ASPM: variants seen among roughly 807,000 people sequenced by gnomAD.
The protein encoded by ASPM is abnormal spindle-like microcephaly-associated protein.
ASPM carries 256 observed loss-of-function variants against 366.4 expected under a neutral mutation model. The ratio of observed to expected loss-of-function variants is 0.70; its 90% CI spans 0.63 to 0.77. ASPM has a LOEUF of 0.77. Among genes scored for constraint, ASPM ranks in the 30% least tolerant of loss-of-function variants. ASPM has a pLI of 0.00. For synonymous variants in ASPM, 1,414 were observed against 1,342.9 expected, an observed-to-expected ratio of 1.05 and a Z score of -1.16; for missense variants, 4,146 against 4,090.4, an observed-to-expected ratio of 1.01 and a Z score of -0.37.
chr1:197,103,384 G>A lies in ASPM; in HGVS notation c.5867C>T (p.Ser1956Phe). ...TCTCAGTGTTTTTCCCTTCCACATA[G>A]ATTGAAGCACCAGTACCGCATGACG... ...ELRHAVLVLQ[S>F]MWKGKTLRRQ... Residue 1956 changes from serine (S) to phenylalanine (F), a missense_variant, in exon 18 of 28, where the codon TCT becomes TTT. Ser to Phe is a radical substitution (Grantham distance 155). This residue lies in a region of ASPM where 3,624 missense variants were observed against 3,591.7 expected (regional missense o/e 1.01). Coordinates refer to ENST00000367409, the MANE Select transcript of ASPM (RefSeq NM_018136.5). 3 of 1,613,194 alleles carry A rather than the reference G, an allele frequency of 1.9e-6. No individual in the cohort carries two copies. Among genetic ancestry groups the A allele is most frequent in the Non-Finnish European group, 2.5e-6 (3 of 1,179,468 alleles).
At chr1:197,126,522 T>C (rs913036748) in intron 10 of ASPM, among the ~76,000 whole-genome samples, 1 of 151,570 alleles carries the variant, frequency 6.6e-6, no homozygotes, top group East Asian at 1.9e-4. Context: ...CCAATCCTTG[T>C]TCCTCCTAGA....
Position 197,104,929 on chromosome 1 carries a change from G to T in ASPM, c.4322C>A (p.Ser1441Ter), listed in dbSNP as rs1657362410. 6.2e-7 allele frequency: 1 copy of T among 1,611,904 alleles called. No homozygotes were observed. Among genetic ancestry groups the T allele is most frequent in the African/African-American group, 1.3e-5 (1 of 74,730 alleles). ...CAATATTACTGTAGCTTTTACTTGT[G>T]ATTGCATTTTACGTTGCTTCCATTT... The part of the protein sequence containing the change: ...FRKWKQRKMQ[S>*]QVKATVILQR... The change falls in exon 18 of 28, where the codon TCA (serine) becomes TAA (stop). Residue 1441 changes from serine to a stop codon, truncating the protein, a stop_gained. Coordinates refer to ENST00000367409, the MANE Select transcript of ASPM (RefSeq NM_018136.5). LOFTEE classifies it high-confidence loss of function.
In ASPM at chr1:197,091,906, C is replaced by A. The variant is rs1656796807; in HGVS notation, c.9444+1G>T. The A allele has an allele frequency of 2.5e-6, 4 of 1,609,480 alleles. No homozygotes were observed. The highest frequency in any genetic ancestry group is 1.3e-5 in the African/African-American group (1 of 74,710). On this transcript the variant is annotated splice_donor_variant, in intron 22 of 27. Transcript: ENST00000367409. LOFTEE classifies it high-confidence loss of function. ...AGTTTTACTGCAAAGAAGAAGCAAA[C>A]CTGAATACAGATGACTGAATTAACC... is the stretch of plus-strand genomic sequence containing the variant.
intron 17 of ASPM, among the ~76,000 whole-genome samples, chr1:197,113,932 CAATTTCCA>C (rs1657661977): frequency 6.6e-6 from 1 of 152,160 alleles, no homozygotes; most frequent in South Asian, 2.1e-4. Context: ...ATTAAAAAGA[CAATTTCCA>C]AATGTTAATG....
In ASPM at chr1:197,091,653, A is replaced by T. The variant is rs955927; in HGVS notation, c.9444+254T>A. Among the ~76,000 whole-genome samples the T allele has an allele frequency of 0.3, 45,392 of 151,840 alleles. 8,482 individuals are homozygous for T. The highest frequency in any genetic ancestry group is 0.46 in the Middle Eastern group (134 of 294). On this transcript the variant is annotated intron_variant, in intron 22 of 27. Transcript: ENST00000367409. ...TTTATGTTGGCAAGCATGTAGAGAA[A>T]CAGGGTACCCTCAAGACTTTGCTGG...
chr1:197,118,133 A>G, intron 16 of ASPM, 150 bp from the exon 17 acceptor site: 1 of 773,786 alleles, frequency 1.3e-6, no homozygotes, highest in South Asian at 1.6e-5. Context: ...TGGAATACTG[A>G]TAATTCCAGG....
At position 197,146,329 on chromosome 1, in the gene ASPM, G is replaced by C; in HGVS notation, c.109C>G (p.Pro37Ala). Reference sequence around the variant, plus strand: ...CAGAAGTGGCTGAGAGACAGGACCGGCGGGGAAGACGCCTCCTCCTCGGCC... The same window carrying C: ...CAGAAGTGGCTGAGAGACAGGACCGCCGGGGAAGACGCCTCCTCCTCGGCC... ...PAAEEEASSP[P>A]VLSLSHFCRS... The change falls in exon 1 of 28, where the codon CCG (proline) becomes GCG (alanine). Residue 37 changes from proline (P) to alanine (A), a missense_variant. By Grantham distance (27) the Pro-to-Ala change is conservative. This residue lies in a region of ASPM where 512 missense variants were observed against 471.7 expected (regional missense o/e 1.09). Transcript: ENST00000367409. The C allele has an allele frequency of 6.2e-7, 1 of 1,613,326 alleles. No homozygotes were observed. The highest frequency in any genetic ancestry group is 1.1e-5 in the South Asian group (1 of 91,074).
intron 4 of ASPM, among the ~76,000 whole-genome samples, chr1:197,137,981 T>C (rs544986616): frequency 6.6e-6 from 1 of 152,324 alleles, no homozygotes; most frequent in East Asian, 1.9e-4. Context: ...TAATAAAAAC[T>C]ATCAAGAAAT....
chr1:197,108,268 A>G (rs1657472040), intron 17 of ASPM, among the ~76,000 whole-genome samples: 1 of 152,092 alleles, frequency 6.6e-6, no homozygotes, highest in Non-Finnish European at 1.5e-5. Flanking sequence ...ACCTGTATTT[A>G]GAAGAAAATT....
At chr1:197,119,714 C>T (rs1473518840) in intron 16 of ASPM, among the ~76,000 whole-genome samples, 1 of 152,032 alleles carries the variant, frequency 6.6e-6, no homozygotes, top group Non-Finnish European at 1.5e-5. Flanking sequence ...GGGCCAAATT[C>T]TAGGACTTCT....
At chr1:197,125,601 C>T (rs907477780) in intron 10 of ASPM, among the ~76,000 whole-genome samples, 10 of 152,054 alleles carry the variant, frequency 6.6e-5, no homozygotes, top group African/African-American at 9.6e-5. Flanking sequence ...CATGGTAAAG[C>T]GCACAATTAA....
intron 17 of ASPM, among the ~76,000 whole-genome samples, chr1:197,111,048 T>C (rs1208884027): frequency 6.6e-6 from 1 of 151,512 alleles, no homozygotes; most frequent in Non-Finnish European, 1.5e-5. Context: ...TATAACAAAG[T>C]CCCCAAAAGC....
chr1:197,135,204 T>C lies in ASPM; in HGVS notation c.2065A>G (p.Met689Val), dbSNP rs1205630093. 6.2e-7 allele frequency: 1 copy of C among 1,614,048 alleles called. No individual in the cohort carries two copies. Among genetic ancestry groups the C allele is most frequent in the South Asian group, 1.1e-5 (1 of 91,086 alleles). Residue 689 changes from methionine (M) to valine (V), a missense_variant, in exon 5 of 28, where the codon ATG becomes GTG. By Grantham distance (21) the Met-to-Val change is conservative. Transcript: ENST00000367409. ...RHPMPFAAKN[M>V]FYDERWKEKQ... is the part of the protein sequence containing the mutation. ...TCCTTCCAGCGTTCATCATAAAACA[T>C]GTTTTTTGCAGCAAATGGCATCGGG...
rs1258257477 is a variant in ASPM at position 197,143,097 on chromosome 1, C to T, written c.1155G>A (p.Glu385=). 5 of 1,612,908 alleles carry T rather than the reference C, an allele frequency of 3.1e-6. No homozygotes were observed. Among genetic ancestry groups the T allele is most frequent in the Non-Finnish European group, 1.7e-6 (2 of 1,179,194 alleles). ...TAGGGGATAAAATAGGATTAACTGACTCTGATTCTAGATCCTGATTTAGTC... is the reference window on the plus strand; with the variant it reads ...TAGGGGATAAAATAGGATTAACTGATTCTGATTCTAGATCCTGATTTAGTC... ...NYGLNQDLES[E]SVNPILSPNQ... Residue 385 remains glutamate, a synonymous_variant, in exon 3 of 28, where the codon GAG becomes GAA. Coordinates refer to ENST00000367409, the MANE Select transcript of ASPM (RefSeq NM_018136.5).
At position 197,133,279 on chromosome 1, in the gene ASPM, G is replaced by A. The variant is rs544122318; in HGVS notation, c.2419+71C>T. 30 of 1,503,864 alleles carry A rather than the reference G, an allele frequency of 2.0e-5. No homozygotes were observed. The African/African-American group carries it at 2.1e-4, about 10-fold the overall frequency. The allele number at this position is 1,503,864 out of a possible 1,614,324, so 93.2% of individuals were successfully genotyped here. ...CTGTCAATTATATGTCAATAAAGCCGGGGGAAAAAAACACAAAATCTCTTG... is the reference window on the plus strand; with the variant it reads ...CTGTCAATTATATGTCAATAAAGCCAGGGGAAAAAAACACAAAATCTCTTG... On this transcript the variant is annotated intron_variant, in intron 6 of 27. Coordinates refer to ENST00000367409, the MANE Select transcript of ASPM (RefSeq NM_018136.5).
At chr1:197,095,887 A>T (rs1000233469) in intron 19 of ASPM, 111 bp downstream of exon 19, 4 of 987,762 alleles carry the variant, frequency 4.0e-6, no homozygotes, top group Non-Finnish European at 5.9e-6. Flanking sequence ...CATATAAATT[A>T]AGCATAACAA....
chr1:197,142,944 T>C lies in ASPM; in HGVS notation c.1308A>G (p.Pro436=). The part of the protein sequence containing the change: ...PEDWRKSEVS[P]RIPECQGSKS... ...TTGAACCCTGACATTCAGGAATACG[T>C]GGCGAAACTTCACTTTTTCTCCAAT... is the stretch of plus-strand genomic sequence containing the variant. The change falls in exon 3 of 28, where the codon CCA becomes CCG. Residue 436 remains proline (P), a synonymous_variant. Transcript: ENST00000367409. 3 of 1,613,984 alleles carry C rather than the reference T, an allele frequency of 1.9e-6. No homozygotes were observed. The South Asian group carries it at 3.3e-5, about 18-fold the overall frequency.
intron 4 of ASPM, among the ~76,000 whole-genome samples, chr1:197,138,162 G>A (rs1658476189): frequency 6.6e-6 from 1 of 152,064 alleles, no homozygotes; most frequent in Non-Finnish European, 1.5e-5. Context: ...CACCTAAACT[G>A]CTCCTTTAAC....
chr1:197,129,421 G>A (rs1419617874), intron 8 of ASPM, 104 bp from the exon 9 acceptor site: 7 of 1,287,972 alleles, frequency 5.4e-6, no homozygotes, highest in Admixed American at 3.9e-5. Context: ...AACAAAAAGT[G>A]TAGGGTAGCA....
Sources: gnomAD v4.1 joint callset for allele counts (sites outside exome capture counted in the v4.1 genomes callset) on GRCh38, gnomAD v4.1.1 for gene constraint, gnomAD v4.1.1 regional missense constraint, MANE v1.5 for transcripts, NCBI Gene and HGNC (gene_info 2026-07-23, HGNC 2026-07-21) for gene names.